GPC5: variants seen among roughly 807,000 people sequenced by gnomAD.
GPC5 encodes glypican 5, also known as glypican-5.
A neutral mutation model predicts 53.9 loss-of-function variants in GPC5; 47 were observed. That is an observed-to-expected ratio of 0.87 (90% CI 0.69 to 1.11). The LOEUF (loss-of-function observed/expected upper bound fraction) is 1.11, where lower values mean the gene tolerates loss of function less well. GPC5 is among the 50% of genes most tolerant of loss of function. The pLI, the probability that GPC5 is intolerant of heterozygous loss-of-function variation, is 0.00. For synonymous variants in GPC5, 286 were observed against 263.3 expected (o/e 1.09, Z -0.84); for missense variants, 748 against 713.1 (o/e 1.05, Z -0.56).
chr13:92,051,078 G>A (rs1170223317), intron 6 of GPC5, among the ~76,000 whole-genome samples: 4 of 152,042 alleles, frequency 2.6e-5, no homozygotes, highest in African/African-American at 4.8e-5. Flanking sequence ...ATTAATAATT[G>A]CCTATGTAGT....
chr13:92,030,707 C>T (rs2040834106), intron 6 of GPC5, among the ~76,000 whole-genome samples: 1 of 152,162 alleles, frequency 6.6e-6, no homozygotes, highest in African/African-American at 2.4e-5. Flanking sequence ...AAAGAGGACC[C>T]TGAAGACTGG....
At chr13:91,814,439 T>C (rs1252506593) in intron 5 of GPC5, among the ~76,000 whole-genome samples, 1 of 152,180 alleles carries the variant, frequency 6.6e-6, no homozygotes, top group Non-Finnish European at 1.5e-5. Context: ...CATCATAATA[T>C]TCGGTATTTT....
chr13:91,875,564 TC>T (rs2039193331), intron 5 of GPC5, among the ~76,000 whole-genome samples: 1 of 152,220 alleles, frequency 6.6e-6, no homozygotes, highest in South Asian at 2.1e-4. Context: ...AACATTTTTT[TC>T]CTCCAATAAC....
At chr13:92,455,563 A>T (rs1878231226) in intron 7 of GPC5, among the ~76,000 whole-genome samples, 1 of 152,212 alleles carries the variant, frequency 6.6e-6, no homozygotes, top group Non-Finnish European at 1.5e-5. Context: ...ATAGATTTTG[A>T]TGGAGTAAGA....
intron 7 of GPC5, among the ~76,000 whole-genome samples, chr13:92,550,062 T>C (rs943546525): frequency 1.3e-5 from 2 of 151,908 alleles, no homozygotes; most frequent in Non-Finnish European, 2.9e-5. Context: ...AGAAATAAAA[T>C]AGTTTTTATT....
intron 2 of GPC5, among the ~76,000 whole-genome samples, chr13:91,471,413 C>T (rs1477436884): frequency 6.6e-6 from 1 of 151,904 alleles, no homozygotes; most frequent in African/African-American, 2.4e-5. Context: ...ATTAATGGAC[C>T]TTTGGTATAA....
At chr13:92,642,254 A>C (rs763486387) in intron 7 of GPC5, among the ~76,000 whole-genome samples, 3 of 152,032 alleles carry the variant, frequency 2.0e-5, no homozygotes, top group Non-Finnish European at 2.9e-5. Flanking sequence ...AATTTTACTG[A>C]GTAGACTCTT....
intron 6 of GPC5, among the ~76,000 whole-genome samples, chr13:92,094,872 A>G (rs1053873544): frequency 9.9e-5 from 15 of 151,920 alleles, no homozygotes; most frequent in African/African-American, 3.6e-4. Context: ...ATATAGTAAT[A>G]TTGTGTTTCC....
intron 2 of GPC5, among the ~76,000 whole-genome samples, chr13:91,504,684 A>G (rs1032242914): frequency 2.6e-5 from 4 of 152,164 alleles, no homozygotes; most frequent in Non-Finnish European, 5.9e-5. Flanking sequence ...TATGCTGGGT[A>G]TGGTAGCTCA....
intron 7 of GPC5, among the ~76,000 whole-genome samples, chr13:92,296,623 A>G (rs1284974789): frequency 6.6e-6 from 1 of 152,144 alleles, no homozygotes; most frequent in Admixed American, 6.5e-5. Flanking sequence ...TGGGCTGGCC[A>G]AGGCTGGAGC....
intron 2 of GPC5, among the ~76,000 whole-genome samples, chr13:91,687,295 A>G (rs935534084): frequency 2.6e-5 from 4 of 151,934 alleles, no homozygotes; most frequent in African/African-American, 9.7e-5. Flanking sequence ...ATATCACTCA[A>G]TTTTATCTCT....
chr13:91,663,473 T>C (rs536061096), intron 2 of GPC5, among the ~76,000 whole-genome samples: 47 of 152,292 alleles, frequency 3.1e-4, no homozygotes, highest in African/African-American at 5.5e-4. Context: ...GCTTTTCTTT[T>C]TAGAGACAGG....
intron 7 of GPC5, among the ~76,000 whole-genome samples, chr13:92,602,501 T>C (rs889286267): frequency 3.3e-5 from 5 of 151,938 alleles, no homozygotes; most frequent in African/African-American, 9.7e-5. Context: ...GCTCCAAATC[T>C]GCATGATCAC....
chr13:91,571,910 A>ACACACATATACGTGTGTGTG (rs1566516136), intron 2 of GPC5, among the ~76,000 whole-genome samples: 989 of 75,446 alleles, frequency 0.013, 166 homozygotes, highest in Admixed American at 0.019. Context: ...CATATTGTAT[A>ACACACATATACGTGTGTGTG]TATACACATA....
chr13:92,140,353 C>T (rs1339984879), intron 6 of GPC5, among the ~76,000 whole-genome samples: 2 of 151,966 alleles, frequency 1.3e-5, no homozygotes, highest in Non-Finnish European at 2.9e-5. Context: ...GACTTCTGGG[C>T]CAAATTTGAA....
chr13:92,180,711 AT>A, intron 7 of GPC5: 1 of 160,460 alleles, frequency 6.2e-6, no homozygotes, highest in Non-Finnish European at 1.4e-5. Flanking sequence ...TGATGATGGA[AT>A]TTTTATTCTA....
chr13:91,895,785 A>G (rs1730674411), intron 5 of GPC5, among the ~76,000 whole-genome samples: 1 of 152,098 alleles, frequency 6.6e-6, no homozygotes, highest in South Asian at 2.1e-4. Flanking sequence ...ACGATCATGA[A>G]CGGAGTGATT....
At chr13:92,081,866 G>T (rs558715153) in intron 6 of GPC5, among the ~76,000 whole-genome samples, 1 of 152,094 alleles carries the variant, frequency 6.6e-6, no homozygotes, top group Non-Finnish European at 1.5e-5. Flanking sequence ...TATATAATGC[G>T]TATATTGTGT....
rs373263510 is a variant in GPC5 at position 91,672,462 on chromosome 13, C to T, written c.326-20725C>T. On this transcript the variant is annotated intron_variant, in intron 2 of 7. Coordinates refer to ENST00000377067, the MANE Select transcript of GPC5 (RefSeq NM_004466.6). ...CACTTCTCAAAAGAAGGCATTTACA[C>T]GGTCAACAAACATATGAAGAAAAGC... Among the ~76,000 whole-genome samples, 204 of 152,246 alleles carry T rather than the reference C, an allele frequency of 1.3e-3. 4 individuals are homozygous for T. In the South Asian group the frequency reaches 0.034, roughly 26 times the overall value.
Sources: allele counts gnomAD v4.1 joint callset (sites outside exome capture counted in the v4.1 genomes callset), GRCh38; gene constraint gnomAD v4.1.1; transcripts MANE v1.5; gene names NCBI Gene and HGNC (gene_info 2026-07-23, HGNC 2026-07-21).